The following SUPT3H variants were observed in gnomAD, a reference collection of about 807,000 sequenced individuals.
The protein encoded by SUPT3H is SPT3 homolog, SAGA and STAGA complex component.
SUPT3H carries 44 observed loss-of-function variants against 44.3 expected under a neutral mutation model. That is an observed-to-expected ratio of 0.99 (90% CI 0.78 to 1.28). SUPT3H has a LOEUF of 1.28. Ranked by LOEUF, SUPT3H falls within the 50% of genes most tolerant of loss-of-function variation. The pLI is 0.00. For missense variants in SUPT3H, 380 were observed against 387.1 expected (o/e 0.98, Z 0.15); for synonymous variants, 124 against 125.6 (o/e 0.99, Z 0.09).
chr6:45,235,179 A>C (rs1768857474), intron 2 of SUPT3H, among the ~76,000 whole-genome samples: 1 of 152,186 alleles, frequency 6.6e-6, no homozygotes, highest in Non-Finnish European at 1.5e-5. Flanking sequence ...AATGATATAT[A>C]TGTTTCCAAT....
chr6:44,946,473 T>A (rs576729386), intron 9 of SUPT3H, among the ~76,000 whole-genome samples: 3 of 152,282 alleles, frequency 2.0e-5, no homozygotes, highest in Admixed American at 2.0e-4. Context: ...CGTGAAGAGG[T>A]CAAAATATCA....
chr6:45,092,425 T>C (rs1797243517), intron 3 of SUPT3H, among the ~76,000 whole-genome samples: 1 of 152,150 alleles, frequency 6.6e-6, no homozygotes, highest in African/African-American at 2.4e-5. Flanking sequence ...GACACATTTA[T>C]TTAATAGACT....
chr6:44,970,531 C>A (rs1333741746), intron 6 of SUPT3H, among the ~76,000 whole-genome samples: 2 of 151,448 alleles, frequency 1.3e-5, no homozygotes, highest in African/African-American at 4.8e-5. Context: ...TAATAGAACA[C>A]TGACTTTGAC....
intron 3 of SUPT3H, among the ~76,000 whole-genome samples, chr6:45,092,709 C>A (rs1234840818): frequency 7.1e-6 from 1 of 140,002 alleles, no homozygotes; most frequent in Non-Finnish European, 1.5e-5. Context: ...GAGATTGTGC[C>A]ATCGCACTCC....
chr6:45,294,593 G>A (rs1203205776), intron 2 of SUPT3H, among the ~76,000 whole-genome samples: 1 of 151,916 alleles, frequency 6.6e-6, no homozygotes, highest in Non-Finnish European at 1.5e-5. Flanking sequence ...GCCTCCTCCA[G>A]AAAGCTCCTG....
intron 10 of SUPT3H, among the ~76,000 whole-genome samples, chr6:44,849,352 A>G (rs952275993): frequency 1.0e-4 from 15 of 146,644 alleles, no homozygotes; most frequent in South Asian, 6.5e-4. Context: ...TCAGCCTCCC[A>G]AGTAGCTGGG....
rs1285224454 is a variant in SUPT3H, at chr6:45,328,840, T to C, written c.101+36361A>G. On this transcript the variant is annotated intron_variant, in intron 2 of 10. Transcript: ENST00000371459. ...GATATGAACCTGTTAAACATAAAGG[T>C]ATGATTCTTTGATAAACTGCTAGCT... 9 of 1,551,916 alleles carry C rather than the reference T, an allele frequency of 5.8e-6. No homozygotes were observed. The East Asian group carries it at 1.8e-4, about 31-fold the overall frequency.
chr6:45,269,769 T>G (rs762569500), intron 2 of SUPT3H, among the ~76,000 whole-genome samples: 4 of 152,216 alleles, frequency 2.6e-5, no homozygotes, highest in Non-Finnish European at 5.9e-5. Context: ...TTTAACAATT[T>G]TATTGAGATA....
At chr6:45,362,508 G>C (rs182361335) in intron 2 of SUPT3H, among the ~76,000 whole-genome samples, 105 of 152,204 alleles carry the variant, frequency 6.9e-4, no homozygotes, top group Non-Finnish European at 1.1e-3. Context: ...AATGTATATT[G>C]AGTCTAATTT....
chr6:45,307,081 G>A (rs901260715), intron 2 of SUPT3H, among the ~76,000 whole-genome samples: 15 of 152,192 alleles, frequency 9.9e-5, no homozygotes, highest in Admixed American at 3.3e-4. Flanking sequence ...AGGGGTGCCC[G>A]CCATTGCTGA....
chr6:44,989,313 T>C (rs1168548367), intron 6 of SUPT3H, among the ~76,000 whole-genome samples: 4 of 152,150 alleles, frequency 2.6e-5, no homozygotes, highest in Non-Finnish European at 5.9e-5. Context: ...AATGGCACAA[T>C]ATCCACTTTT....
chr6:45,205,571 C>T (rs1040220021), intron 2 of SUPT3H, among the ~76,000 whole-genome samples: 11 of 151,932 alleles, frequency 7.2e-5, no homozygotes, highest in Non-Finnish European at 1.0e-4. Context: ...CCGAGGATGG[C>T]GGATCACTTG....
chr6:45,267,723 T>C (rs1237092101), intron 2 of SUPT3H, among the ~76,000 whole-genome samples: 1 of 152,116 alleles, frequency 6.6e-6, no homozygotes, highest in East Asian at 1.9e-4. Flanking sequence ...AAATAGGCAG[T>C]AGTGACAAAA....
chr6:44,946,575 G>A (rs1012752330), intron 9 of SUPT3H, among the ~76,000 whole-genome samples: 3 of 152,104 alleles, frequency 2.0e-5, no homozygotes, highest in African/African-American at 7.2e-5. Flanking sequence ...CTGCAGATGT[G>A]GTATAAATGG....
intron 2 of SUPT3H, among the ~76,000 whole-genome samples, chr6:45,140,966 CA>C (rs1191558099): frequency 1.3e-5 from 2 of 152,102 alleles, no homozygotes; most frequent in African/African-American, 2.4e-5. Flanking sequence ...GGTAATATGA[CA>C]AAACAGCATT....
At chr6:44,983,304 G>A (rs896897730) in intron 6 of SUPT3H, among the ~76,000 whole-genome samples, 1 of 152,008 alleles carries the variant, frequency 6.6e-6, no homozygotes, top group Non-Finnish European at 1.5e-5. Context: ...AAAGTCTTTG[G>A]TTTTCTGATA....
At position 45,081,210 on chromosome 6, in the gene SUPT3H, A is replaced by G. The variant is rs533150414; in HGVS notation, c.186+24712T>C. Reference sequence around the variant, plus strand: ...ACAATGCCTACATAATCTGGTCCCTATCTTACTTTTACATTTCAGCTCGTC... The same window carrying G: ...ACAATGCCTACATAATCTGGTCCCTGTCTTACTTTTACATTTCAGCTCGTC... On this transcript the variant is annotated intron_variant, in intron 3 of 10. Transcript: ENST00000371459. 1.3e-4 allele frequency among the ~76,000 whole-genome samples: 20 copies of G among 152,098 alleles called. No individual in the cohort carries two copies. In the South Asian group the frequency reaches 3.9e-3, roughly 30 times the overall value.
intron 6 of SUPT3H, among the ~76,000 whole-genome samples, chr6:44,988,104 G>C (rs199729627): frequency 1.3e-5 from 2 of 152,018 alleles, no homozygotes; most frequent in Non-Finnish European, 2.9e-5. Context: ...GATCTAACCA[G>C]GATTGGGGTT....
chr6:45,172,593 AT>A (rs141335840), intron 2 of SUPT3H, among the ~76,000 whole-genome samples: 16,228 of 145,476 alleles, frequency 0.11, 1,049 homozygotes, highest in East Asian at 0.24. Flanking sequence ...AGATAGATAT[AT>A]TTTTTTTTTT....
Sources: gnomAD v4.1 joint callset for allele counts (sites outside exome capture counted in the v4.1 genomes callset) on GRCh38, gnomAD v4.1.1 for gene constraint, MANE v1.5 for transcripts, NCBI Gene and HGNC (gene_info 2026-07-23, HGNC 2026-07-21) for gene names.